The following NDUFS4 variants were observed in gnomAD, a reference collection of about 807,000 sequenced individuals.
NDUFS4 encodes the protein NADH:ubiquinone oxidoreductase subunit S4.
Under a neutral mutation model 24.3 loss-of-function variants are expected in NDUFS4, and 28 were observed. The observed-to-expected ratio is 1.15, with a 90% CI of 0.85 to 1.58. The LOEUF (loss-of-function observed/expected upper bound fraction) is 1.58, where lower values mean the gene tolerates loss of function less well. Ranked by LOEUF, NDUFS4 falls within the 40% of genes most tolerant of loss-of-function variation. The probability of loss-of-function intolerance (pLI) is 0.00; values close to 1 mark genes in which losing one functional copy is unlikely to be tolerated. For synonymous variants in NDUFS4, 93 were observed against 69.7 expected, an observed-to-expected ratio of 1.34 and a Z score of -1.67; for missense variants, 223 against 207.9, an observed-to-expected ratio of 1.07 and a Z score of -0.45.
chr5:53,644,236 T>C (rs528555122), intron 2 of NDUFS4, among the ~76,000 whole-genome samples: 1 of 152,278 alleles, frequency 6.6e-6, no homozygotes, highest in East Asian at 1.9e-4. Context: ...AAGAGTTTAA[T>C]GTGTTTCCTT....
intron 4 of NDUFS4, 98 bp downstream of exon 4, chr5:53,658,722 A>G: frequency 1.0e-6 from 1 of 971,958 alleles, no homozygotes; most frequent in Non-Finnish European, 1.6e-6. Flanking sequence ...GTTGGAATCC[A>G]GTGGTTTCAT....
chr5:53,567,236 C>G (rs1305588062), intron 1 of NDUFS4, among the ~76,000 whole-genome samples: 1 of 152,144 alleles, frequency 6.6e-6, no homozygotes, highest in Non-Finnish European at 1.5e-5. Context: ...ATATAGCAGT[C>G]TAAATGAATA....
intron 3 of NDUFS4, among the ~76,000 whole-genome samples, chr5:53,649,654 C>G (rs1751962277): frequency 6.6e-6 from 1 of 152,048 alleles, no homozygotes. Context: ...TGAATGGTTT[C>G]TTTTTGATAA....
chr5:53,560,934 G>C (rs967106651), intron 1 of NDUFS4, among the ~76,000 whole-genome samples, 174 bp downstream of exon 1: 4 of 152,194 alleles, frequency 2.6e-5, no homozygotes, highest in Non-Finnish European at 5.9e-5. Context: ...TTGGCCAGGC[G>C]AGTGAGGGCG....
chr5:53,636,755 GC>G (rs1170892914), intron 2 of NDUFS4, among the ~76,000 whole-genome samples: 1 of 152,100 alleles, frequency 6.6e-6, no homozygotes, highest in Non-Finnish European at 1.5e-5. Flanking sequence ...GAATAGGTTA[GC>G]ACCATCCTGT....
At chr5:53,605,997 G>C (rs576910641) in intron 2 of NDUFS4, among the ~76,000 whole-genome samples, 10 of 138,694 alleles carry the variant, frequency 7.2e-5, no homozygotes, top group Non-Finnish European at 1.5e-4. Context: ...CTGGGCGATA[G>C]AGCGAGACTC....
At chr5:53,630,149 G>A (rs1751365337) in intron 2 of NDUFS4, among the ~76,000 whole-genome samples, 1 of 152,126 alleles carries the variant, frequency 6.6e-6, no homozygotes, top group African/African-American at 2.4e-5. Flanking sequence ...AGCTTAATTT[G>A]GCTGGGTATG....
At chr5:53,602,823 G>A (rs957356745) in intron 1 of NDUFS4, among the ~76,000 whole-genome samples, 17 of 152,144 alleles carry the variant, frequency 1.1e-4, no homozygotes, top group East Asian at 3.9e-4. Context: ...TGAAACGTCC[G>A]TTAACGTTAA....
At chr5:53,671,277 C>T (rs1234008685) in intron 4 of NDUFS4, among the ~76,000 whole-genome samples, 2 of 151,920 alleles carry the variant, frequency 1.3e-5, no homozygotes, top group Non-Finnish European at 2.9e-5. Flanking sequence ...GCAGCTGTCC[C>T]CTCAGCTTAT....
rs181627262 is a variant in NDUFS4 at position 53,627,280 on chromosome 5, G to A, written c.178-18953G>A. 2.4e-3 allele frequency among the ~76,000 whole-genome samples: 360 copies of A among 152,230 alleles called. 5 individuals are homozygous for A. The highest frequency in any genetic ancestry group is 8.1e-3 in the African/African-American group (335 of 41,524). On this transcript the variant is annotated intron_variant, in intron 2 of 4. Coordinates refer to ENST00000296684, the MANE Select transcript of NDUFS4 (RefSeq NM_002495.4). ...CCAGTACCATGTTGTTTTGGTTACT[G>A]TACCCTTGTTGTATAGTTAAAAGTC...
At chr5:53,677,286 G>A (rs1042820697) in intron 4 of NDUFS4, among the ~76,000 whole-genome samples, 4 of 152,060 alleles carry the variant, frequency 2.6e-5, no homozygotes, top group Non-Finnish European at 5.9e-5. Flanking sequence ...CAGTAATTTG[G>A]GGTTTGAGAG....
chr5:53,581,114 T>G (rs1345103272), intron 1 of NDUFS4, among the ~76,000 whole-genome samples: 1 of 152,160 alleles, frequency 6.6e-6, no homozygotes, highest in African/African-American at 2.4e-5. Flanking sequence ...ATTACAGGCG[T>G]GAGCTACTGT....
At chr5:53,590,125 A>T (rs575010122) in intron 1 of NDUFS4, among the ~76,000 whole-genome samples, 16 of 152,270 alleles carry the variant, frequency 1.1e-4, no homozygotes, top group Admixed American at 3.3e-4. Context: ...GATTTTTTTA[A>T]AAAAATGCCA....
chr5:53,642,307 A>G (rs1488179677), intron 2 of NDUFS4, among the ~76,000 whole-genome samples: 1 of 152,178 alleles, frequency 6.6e-6, no homozygotes, highest in Non-Finnish European at 1.5e-5. Flanking sequence ...TAATTTACCA[A>G]AGACACAACT....
At chr5:53,630,866 C>G (rs1213805116) in intron 2 of NDUFS4, among the ~76,000 whole-genome samples, 1 of 152,168 alleles carries the variant, frequency 6.6e-6, no homozygotes, top group Non-Finnish European at 1.5e-5. Flanking sequence ...TACCCACCTT[C>G]TAAAGCCTAC....
rs544284865 is a variant in NDUFS4, at chr5:53,580,946, G to A, written c.98+20186G>A. 3.0e-4 allele frequency among the ~76,000 whole-genome samples: 46 copies of A among 152,076 alleles called. 1 individual carries two copies. In the Middle Eastern group the frequency reaches 0.01, roughly 34 times the overall value. On this transcript the variant is annotated intron_variant, in intron 1 of 4. Transcript: ENST00000296684. ...CCTCCTGGGTTCAAGCGATTCTCCT[G>A]CCCCAGCCTCCCAAGTAGCTGGGAT...
intron 1 of NDUFS4, among the ~76,000 whole-genome samples, chr5:53,578,522 A>C (rs1749458334): frequency 6.6e-6 from 1 of 152,140 alleles, no homozygotes; most frequent in African/African-American, 2.4e-5. Context: ...TTAAGAACAC[A>C]CATTTTAGAG....
At chr5:53,628,515 C>CT (rs1328844927) in intron 2 of NDUFS4, among the ~76,000 whole-genome samples, 1 of 152,010 alleles carries the variant, frequency 6.6e-6, no homozygotes, top group Non-Finnish European at 1.5e-5. Flanking sequence ...TGGTTCTGGA[C>CT]TTTTTTTGGT....
intron 1 of NDUFS4, 73 bp downstream of exon 1, chr5:53,560,833 T>A (rs1748814078): frequency 1.9e-6 from 3 of 1,607,312 alleles, no homozygotes; most frequent in African/African-American, 2.7e-5. Flanking sequence ...GCTGGCTGAG[T>A]TCCGGAGGAG....
Sources: gnomAD v4.1 joint callset for allele counts (sites outside exome capture counted in the v4.1 genomes callset) on GRCh38, gnomAD v4.1.1 for gene constraint, MANE v1.5 for transcripts, NCBI Gene and HGNC (gene_info 2026-07-23, HGNC 2026-07-21) for gene names.